GRSF1: variants seen among roughly 807,000 people sequenced by gnomAD.
GRSF1 encodes G-rich RNA sequence binding factor 1.
In GRSF1, 50 loss-of-function variants were observed where a neutral mutation model predicts 51.1. That is an observed-to-expected ratio of 0.98 (90% CI 0.78 to 1.24). The LOEUF (loss-of-function observed/expected upper bound fraction) is 1.24. Among genes scored for constraint, GRSF1 ranks in the 50% most tolerant of loss-of-function variants. The pLI is 0.00. For missense variants in GRSF1, 700 were observed against 639.7 expected (o/e 1.09, Z -1.02); for synonymous variants, 293 against 253.3 (o/e 1.16, Z -1.49).
In GRSF1 at chr4:70,817,270, AAC is replaced by A. The variant is rs1427073137; in HGVS notation, c.*3615_*3616del. On this transcript the variant is annotated 3_prime_UTR_variant, in exon 10 of 10. Coordinates refer to ENST00000254799, the MANE Select transcript of GRSF1 (RefSeq NM_002092.4). ...TCTGTCACTCAGGCTGGAGTGCAGC[AAC>A]AGTCATGGCTCACTGCAGGCTTGAC... The A allele has an allele frequency of 6.6e-6, 1 of 151,828 alleles. No homozygotes were observed. The highest frequency in any genetic ancestry group is 2.4e-5 in the African/African-American group (1 of 41,278). The allele number at this position is 151,828 out of a possible 1,614,324, so 9.4% of individuals were successfully genotyped here.
rs751279572 is a variant in GRSF1 at position 70,822,508 on chromosome 4, G to A, written c.*26-1647C>T. ...TGAGGCAGAAGAATCACTTGAACCC[G>A]GGAGGCAGGGGTTGCAGTGAGCTGA... On this transcript the variant is annotated intron_variant, in intron 9 of 9. Coordinates refer to ENST00000254799, the MANE Select transcript of GRSF1 (RefSeq NM_002092.4). Among the ~76,000 whole-genome samples, 38 of 150,822 alleles carry A rather than the reference G, an allele frequency of 2.5e-4. 1 individual carries two copies. Among genetic ancestry groups the A allele is most frequent in the South Asian group, 1.7e-3 (8 of 4,764 alleles).
intron 8 of GRSF1, 75 bp downstream of exon 8, chr4:70,825,220 TC>T: frequency 8.1e-7 from 1 of 1,234,464 alleles, no homozygotes; most frequent in Non-Finnish European, 1.1e-6. Context: ...AATTCTACAA[TC>T]CCAAAACAGA....
At chr4:70,826,419 C>A (rs1733740035) in intron 6 of GRSF1, among the ~76,000 whole-genome samples, 174 bp from the exon 7 acceptor site, 1 of 152,058 alleles carries the variant, frequency 6.6e-6, no homozygotes, top group South Asian at 2.1e-4. Flanking sequence ...CACCCATAAG[C>A]ACTGAATGCC....
Position 70,820,075 on chromosome 4 carries a change from G to C in GRSF1, c.*812C>G, listed in dbSNP as rs1375708340. ...AGTGAAGCCATTAATTTTCTTACCA[G>C]TCTGGACTGTTCTGACATGTCACTT... On this transcript the variant is annotated 3_prime_UTR_variant, in exon 10 of 10. Coordinates refer to ENST00000254799, the MANE Select transcript of GRSF1 (RefSeq NM_002092.4). 6.6e-6 allele frequency: 1 copy of C among 152,154 alleles called. No individual in the cohort carries two copies. Among genetic ancestry groups the C allele is most frequent in the Non-Finnish European group, 1.5e-5 (1 of 68,046 alleles). 9.4% of individuals were successfully genotyped at this position (152,154 alleles called of 1,614,324 possible).
chr4:70,822,652 G>A (rs1733569411), intron 9 of GRSF1, among the ~76,000 whole-genome samples: 1 of 151,072 alleles, frequency 6.6e-6, no homozygotes, highest in South Asian at 2.1e-4. Flanking sequence ...TTTAAGTGGG[G>A]AAAAAAAGCT....
At chr4:70,825,565 G>T (rs6843245) in intron 7 of GRSF1, 134 bp from the exon 8 acceptor site, 15,461 of 582,954 alleles carry the variant, frequency 0.027, 744 homozygotes, top group African/African-American at 0.15. Context: ...ATCTTTTTAA[G>T]CAGTAATATA....
intron 9 of GRSF1, among the ~76,000 whole-genome samples, chr4:70,822,130 T>C (rs1166929010): frequency 6.6e-6 from 1 of 151,866 alleles, no homozygotes; most frequent in Non-Finnish European, 1.5e-5. Flanking sequence ...AACATCAAGA[T>C]GTATTAAGCA....
Position 70,817,427 on chromosome 4 carries a change from A to G in GRSF1, c.*3460T>C, listed in dbSNP as rs926621455. ...TAAGACAGATTAAACCTTCCTTCCTATACTTCCTTTCTAAAAATAAGAAAA... is the reference window on the plus strand; with the variant it reads ...TAAGACAGATTAAACCTTCCTTCCTGTACTTCCTTTCTAAAAATAAGAAAA... On this transcript the variant is annotated 3_prime_UTR_variant, in exon 10 of 10. Transcript: ENST00000254799. 1 of 152,160 alleles carries G rather than the reference A, an allele frequency of 6.6e-6. No homozygotes were observed. The highest frequency in any genetic ancestry group is 6.5e-5 in the Admixed American group (1 of 15,288). 9.4% of individuals were successfully genotyped at this position (152,160 alleles called of 1,614,324 possible).
intron 7 of GRSF1, 119 bp from the exon 8 acceptor site, chr4:70,825,550 A>C: frequency 1.5e-6 from 1 of 685,468 alleles, no homozygotes. Flanking sequence ...ATTTCTTTTT[A>C]GGAAATCTTT....
chr4:70,823,505 T>C (rs1733606181), intron 9 of GRSF1, among the ~76,000 whole-genome samples: 1 of 150,830 alleles, frequency 6.6e-6, no homozygotes, highest in African/African-American at 2.4e-5. Flanking sequence ...GCCCCCCACA[T>C]CTGAGAAGCC....
At chr4:70,839,990 G>T, upstream of GRSF1, 1 of 591,688 alleles carries the variant, frequency 1.7e-6, no homozygotes, top group Non-Finnish European at 2.8e-6. Flanking sequence ...AGGAGAGCGC[G>T]ACGCTCCGCC....
intron 5 of GRSF1, among the ~76,000 whole-genome samples, chr4:70,828,748 T>C (rs1733834592): frequency 1.3e-5 from 2 of 150,976 alleles, no homozygotes; most frequent in African/African-American, 4.9e-5. Flanking sequence ...TTTTTTTTTT[T>C]TTTTTTGAAG....
chr4:70,837,491 G>T (rs1427813554), intron 1 of GRSF1, among the ~76,000 whole-genome samples: 4 of 141,142 alleles, frequency 2.8e-5, no homozygotes, highest in African/African-American at 5.3e-5. Flanking sequence ...CTGAACCCGG[G>T]AGGTAGAGGT....
chr4:70,822,128 G>A (rs1733539826), intron 9 of GRSF1, among the ~76,000 whole-genome samples: 1 of 151,748 alleles, frequency 6.6e-6, no homozygotes, highest in African/African-American at 2.4e-5. Flanking sequence ...GGAACATCAA[G>A]ATGTATTAAG....
chr4:70,827,204 C>T (rs1296208400), intron 6 of GRSF1, among the ~76,000 whole-genome samples: 2 of 151,382 alleles, frequency 1.3e-5, no homozygotes, highest in Non-Finnish European at 2.9e-5. Flanking sequence ...AGGATGATGG[C>T]GTGAACCTGG....
Position 70,819,157 on chromosome 4 carries a change from T to C in GRSF1, c.*1730A>G, listed in dbSNP as rs1733415008. On this transcript the variant is annotated 3_prime_UTR_variant, in exon 10 of 10. Coordinates refer to ENST00000254799, the MANE Select transcript of GRSF1 (RefSeq NM_002092.4). ...ATTTTAATGCTTTGCTTGCATTCTT[T>C]TTCCAGAGATGTGCAAATAAAACTC... The C allele has an allele frequency of 6.6e-6, 1 of 152,166 alleles. No homozygotes were observed. Among genetic ancestry groups the C allele is most frequent in the South Asian group, 2.1e-4 (1 of 4,830 alleles). 9.4% of individuals were successfully genotyped at this position (152,166 alleles called of 1,614,324 possible).
At chr4:70,832,270 GAT>G in intron 4 of GRSF1, 35 bp downstream of exon 4, 1 of 1,585,298 alleles carries the variant, frequency 6.3e-7, no homozygotes, top group Non-Finnish European at 8.6e-7. Flanking sequence ...AGGGAAAAAA[GAT>G]ATGAGCTCCC....
At position 70,824,377 on chromosome 4, in the gene GRSF1, A is replaced by AC; in HGVS notation, c.1394-10_1394-9insG. On this transcript the variant is annotated splice_polypyrimidine_tract_variant and intron_variant, in intron 8 of 9. Coordinates refer to ENST00000254799, the MANE Select transcript of GRSF1 (RefSeq NM_002092.4). ...TTCAATATACCTATGATCTGAGGAT[A>AC]ATGAGAAAGATTAGTTTTAAAAAGT... 7.2e-7 allele frequency: 1 copy of AC among 1,390,336 alleles called. No homozygotes were observed. The highest frequency in any genetic ancestry group is 1.0e-6 in the Non-Finnish European group (1 of 992,034). 86.1% of individuals were successfully genotyped at this position (1,390,336 alleles called of 1,614,324 possible).
intron 7 of GRSF1, chr4:70,825,823 T>G (rs540341000): frequency 3.1e-6 from 1 of 318,140 alleles, no homozygotes; most frequent in East Asian, 9.5e-5. Flanking sequence ...TCCCAGCTAC[T>G]CGGTAGACCA....
Sources: allele counts gnomAD v4.1 joint callset (sites outside exome capture counted in the v4.1 genomes callset), GRCh38; gene constraint gnomAD v4.1.1; transcripts MANE v1.5; gene names NCBI Gene and HGNC (gene_info 2026-07-23, HGNC 2026-07-21).